The following PRKN variants were observed in gnomAD, a reference collection of about 807,000 sequenced individuals.
PRKN encodes parkin RBR E3 ubiquitin protein ligase, also known as E3 ubiquitin-protein ligase parkin.
In PRKN, 56 loss-of-function variants were observed where a neutral mutation model predicts 59.5. The ratio of observed to expected loss-of-function variants is 0.94; its 90% CI spans 0.76 to 1.18. The LOEUF (loss-of-function observed/expected upper bound fraction) is 1.18. Ranked by LOEUF, PRKN falls within the 50% of genes most tolerant of loss-of-function variation. The probability of loss-of-function intolerance (pLI) is 0.00; values close to 1 mark genes in which losing one functional copy is unlikely to be tolerated. For synonymous variants in PRKN, 250 were observed against 222.1 expected (o/e 1.13, Z -1.12); for missense variants, 657 against 596.4 (o/e 1.10, Z -1.06).
At chr6:161,735,952 AT>A (rs915058484) in intron 7 of PRKN, among the ~76,000 whole-genome samples, 3 of 152,106 alleles carry the variant, frequency 2.0e-5, no homozygotes, top group African/African-American at 7.2e-5. Context: ...ATAAAAATCT[AT>A]TTTGCATCCT....
chr6:162,048,678 G>A (rs1395491010), intron 5 of PRKN, among the ~76,000 whole-genome samples: 3 of 150,854 alleles, frequency 2.0e-5, no homozygotes, highest in Non-Finnish European at 4.4e-5. Context: ...TAATTGTCTT[G>A]GGCCACACAT....
intron 2 of PRKN, among the ~76,000 whole-genome samples, chr6:162,325,268 C>T (rs1040614165): frequency 6.6e-6 from 1 of 152,078 alleles, no homozygotes; most frequent in East Asian, 1.9e-4. Context: ...CACAAGTTAT[C>T]GATTCTGGGA....
At chr6:161,853,203 T>G (rs1793507993) in intron 6 of PRKN, among the ~76,000 whole-genome samples, 2 of 152,190 alleles carry the variant, frequency 1.3e-5, no homozygotes, top group African/African-American at 4.8e-5. Context: ...TCTGATAGAA[T>G]GTGATCTTTT....
chr6:161,756,350 G>A (rs1057155989), intron 7 of PRKN, among the ~76,000 whole-genome samples: 40 of 150,224 alleles, frequency 2.7e-4, no homozygotes, highest in African/African-American at 9.8e-4. Flanking sequence ...GCTGAGGAGG[G>A]AGAATCGCTT....
rs373854015 is a variant in PRKN at position 162,043,579 on chromosome 6, T to G, written c.618+10512A>C. On this transcript the variant is annotated intron_variant, in intron 5 of 11. Coordinates refer to ENST00000366898, the MANE Select transcript of PRKN (RefSeq NM_004562.3). ...AGGAGTTACAGACAGAATCCCAAACTCTCAATCCAGTTTCTCAAACTGTCC... is the reference window on the plus strand; with the variant it reads ...AGGAGTTACAGACAGAATCCCAAACGCTCAATCCAGTTTCTCAAACTGTCC... Among the ~76,000 whole-genome samples, 25 of 152,298 alleles carry G rather than the reference T, an allele frequency of 1.6e-4. No individual in the cohort carries two copies. In the East Asian group the frequency reaches 3.3e-3, roughly 20 times the overall value.
rs989779608 is a variant in PRKN, at chr6:161,527,263, G to A, written c.1083+21591C>T. Among the ~76,000 whole-genome samples the A allele has an allele frequency of 1.3e-5, 2 of 152,196 alleles. No individual in the cohort carries two copies. Among genetic ancestry groups the A allele is most frequent in the African/African-American group, 2.4e-5 (1 of 41,440 alleles). On this transcript the variant is annotated intron_variant, in intron 9 of 11. Transcript: ENST00000366898. This position sits in a 1 kb window ranked among gnomAD's most constrained non-coding sequence, Gnocchi z 4.6. ...AACCAGCTCAAAATATGCCAAAGAA[G>A]TACATTCTGGGGTGGCATGTTCTGG...
chr6:162,033,707 G>GT (rs1783728725), intron 5 of PRKN, among the ~76,000 whole-genome samples: 1 of 152,036 alleles, frequency 6.6e-6, no homozygotes, highest in Non-Finnish European at 1.5e-5. Flanking sequence ...CTTAGAAATC[G>GT]TTTTTTATCA....
intron 6 of PRKN, among the ~76,000 whole-genome samples, chr6:161,888,449 C>T (rs1562367131): frequency 1.3e-5 from 2 of 152,192 alleles, no homozygotes; most frequent in Non-Finnish European, 1.5e-5. Context: ...TCACACCATA[C>T]GGTCTTGCCA....
intron 7 of PRKN, among the ~76,000 whole-genome samples, chr6:161,769,661 T>C (rs535969244): frequency 2.0e-5 from 3 of 152,220 alleles, no homozygotes; most frequent in Non-Finnish European, 1.5e-5. Context: ...GGGTGTGTGC[T>C]ATTTCTGGGC....
chr6:162,222,388 G>A (rs543867431), intron 3 of PRKN, among the ~76,000 whole-genome samples: 2 of 152,258 alleles, frequency 1.3e-5, no homozygotes, highest in African/African-American at 2.4e-5. Flanking sequence ...TTGTGGAAAC[G>A]AAGATACGGA....
chr6:162,137,725 G>T (rs1207274980), intron 4 of PRKN, among the ~76,000 whole-genome samples: 2 of 152,044 alleles, frequency 1.3e-5, no homozygotes, highest in Non-Finnish European at 2.9e-5. Flanking sequence ...TTTCATAATG[G>T]GTCCACTCCT....
chr6:161,622,127 G>C (rs1404267561), intron 7 of PRKN, among the ~76,000 whole-genome samples: 2 of 152,112 alleles, frequency 1.3e-5, no homozygotes, highest in Non-Finnish European at 2.9e-5. Flanking sequence ...TGGTGAGTGA[G>C]AGGAGGGGTC....
intron 6 of PRKN, among the ~76,000 whole-genome samples, chr6:161,924,341 C>T (rs1778890543): frequency 6.6e-6 from 1 of 152,112 alleles, no homozygotes; most frequent in Non-Finnish European, 1.5e-5. Context: ...TGCTTAGGTA[C>T]CCTGCATTAA....
chr6:161,920,792 A>AG (rs1357796600), intron 6 of PRKN, among the ~76,000 whole-genome samples: 2 of 152,028 alleles, frequency 1.3e-5, no homozygotes, highest in Non-Finnish European at 2.9e-5. Flanking sequence ...GTCTAAAAAA[A>AG]AAAAAAAAGA....
intron 4 of PRKN, among the ~76,000 whole-genome samples, chr6:162,129,372 G>A (rs1258325888): frequency 6.6e-6 from 1 of 152,166 alleles, no homozygotes; most frequent in Non-Finnish European, 1.5e-5. Context: ...GGTATAAAAT[G>A]TCATCTTTGT....
At chr6:161,486,467 G>A (rs908529263) in intron 9 of PRKN, among the ~76,000 whole-genome samples, 1 of 152,166 alleles carries the variant, frequency 6.6e-6, no homozygotes, top group Admixed American at 6.5e-5. Flanking sequence ...CTGACAAGCA[G>A]TGGTGTGAAT....
At chr6:161,367,413 G>C (rs1338736590) in intron 10 of PRKN, among the ~76,000 whole-genome samples, 19 of 151,880 alleles carry the variant, frequency 1.3e-4, no homozygotes, top group Non-Finnish European at 2.6e-4. Context: ...GGCAGATCTT[G>C]GCCTTGATTG....
intron 9 of PRKN, among the ~76,000 whole-genome samples, chr6:161,492,436 C>A (rs1185821014): frequency 2.0e-5 from 3 of 152,112 alleles, no homozygotes; most frequent in African/African-American, 7.2e-5. Context: ...GGGAGGAGAC[C>A]CAGCTTGGAA....
Position 162,030,271 on chromosome 6 carries a change from C to T in PRKN, c.618+23820G>A, listed in dbSNP as rs979979421. 2.0e-5 allele frequency among the ~76,000 whole-genome samples: 3 copies of T among 152,158 alleles called. No individual in the cohort carries two copies. In the East Asian group the frequency reaches 5.8e-4, roughly 29 times the overall value. On this transcript the variant is annotated intron_variant, in intron 5 of 11. Coordinates refer to ENST00000366898, the MANE Select transcript of PRKN (RefSeq NM_004562.3). The stretch of plus-strand genomic sequence containing the variant: ...ACTCCTTGACAAATGATGTTGCCTC[C>T]CATGTTACTGCAGCTCCCCGTTATC...
Sources: allele counts gnomAD v4.1 joint callset (sites outside exome capture counted in the v4.1 genomes callset), GRCh38; gene constraint gnomAD v4.1.1; non-coding constraint Gnocchi (gnomAD v3.1); transcripts MANE v1.5; gene names NCBI Gene and HGNC (gene_info 2026-07-23, HGNC 2026-07-21).